The following MYCBP2 variants were observed in gnomAD, a reference collection of about 807,000 sequenced individuals.
MYCBP2 encodes the protein MYC binding protein 2.
In MYCBP2, 120 loss-of-function variants were observed where a neutral mutation model predicts 525.3. That is an observed-to-expected ratio of 0.23 (90% CI 0.20 to 0.27). The LOEUF is 0.27. MYCBP2 is among the 10% of genes least tolerant of loss of function. MYCBP2 has a pLI of 1.00. For missense variants in MYCBP2, 4,149 were observed against 5,657.1 expected, an observed-to-expected ratio of 0.73 and a Z score of 8.55; for synonymous variants, 1,894 against 1,955.8, an observed-to-expected ratio of 0.97 and a Z score of 0.83.
At chr13:77,187,202 C>A (rs531909060) in intron 30 of MYCBP2, among the ~76,000 whole-genome samples, 5 of 152,070 alleles carry the variant, frequency 3.3e-5, no homozygotes, top group Non-Finnish European at 5.9e-5. Flanking sequence ...AACATAAATA[C>A]AAAGGGGTTA....
intron 46 of MYCBP2, among the ~76,000 whole-genome samples, chr13:77,152,464 G>A (rs2056611619): frequency 6.6e-6 from 1 of 152,158 alleles, no homozygotes; most frequent in African/African-American, 2.4e-5. Flanking sequence ...CCACTCTCAA[G>A]CCTGGAAACC....
intron 15 of MYCBP2, among the ~76,000 whole-genome samples, chr13:77,248,312 A>G (rs1330984953): frequency 1.3e-5 from 2 of 152,150 alleles, no homozygotes; most frequent in African/African-American, 4.8e-5. Flanking sequence ...GACAACATCA[A>G]CAGAGTAAAA....
rs1222244177 is a variant in MYCBP2, at chr13:77,185,087, T to C, written c.4719+16A>G. On this transcript the variant is annotated intron_variant, in intron 32 of 82. Coordinates refer to ENST00000544440, the MANE Select transcript of MYCBP2 (RefSeq NM_015057.5). The stretch of plus-strand genomic sequence containing the variant: ...TATATCAGATTTTCAACTAACATTT[T>C]ACAAACTTAAATTACCTGATCCAAA... 3 of 1,605,676 alleles carry C rather than the reference T, an allele frequency of 1.9e-6. No homozygotes were observed. The highest frequency in any genetic ancestry group is 2.6e-6 in the Non-Finnish European group (3 of 1,174,706).
chr13:77,241,027 T>C (rs893432485), intron 17 of MYCBP2, among the ~76,000 whole-genome samples: 1 of 152,188 alleles, frequency 6.6e-6, no homozygotes, highest in African/African-American at 2.4e-5. Context: ...TCACAAAATA[T>C]ACACTAAGTG....
chr13:77,319,958 C>T (rs536434678), intron 1 of MYCBP2, among the ~76,000 whole-genome samples: 34 of 152,258 alleles, frequency 2.2e-4, no homozygotes, highest in African/African-American at 7.9e-4. Flanking sequence ...TTGCGGAGTG[C>T]CCTCCGAACC....
At chr13:77,246,700 T>C (rs541683049) in intron 15 of MYCBP2, among the ~76,000 whole-genome samples, 1 of 149,780 alleles carries the variant, frequency 6.7e-6, no homozygotes, top group East Asian at 2.0e-4. Flanking sequence ...CAGACCAATA[T>C]CCCTTATGAA....
At position 77,194,218 on chromosome 13, in the gene MYCBP2, T is replaced by C; in HGVS notation, c.3870A>G (p.Gly1290=). The stretch of plus-strand genomic sequence containing the variant: ...GAAGGTCACCATCAGTTTCATGATC[T>C]CCTCCATCAGGACCCAATTCAAACA... ...IKLFELGPDG[G]DHETDGDLLA... The change falls in exon 27 of 83, where the codon GGA becomes GGG. Residue 1290 remains glycine (G), a synonymous_variant. Coordinates refer to ENST00000544440, the MANE Select transcript of MYCBP2 (RefSeq NM_015057.5). The C allele has an allele frequency of 1.2e-6, 2 of 1,613,346 alleles. No individual in the cohort carries two copies. Among genetic ancestry groups the C allele is most frequent in the Non-Finnish European group, 1.7e-6 (2 of 1,179,494 alleles).
At position 77,098,354 on chromosome 13, in the gene MYCBP2, C is replaced by T. The variant is rs767663365; in HGVS notation, c.8800G>A (p.Glu2934Lys). 4 of 1,612,490 alleles carry T rather than the reference C, an allele frequency of 2.5e-6. No individual in the cohort carries two copies. The highest frequency in any genetic ancestry group is 1.3e-5 in the African/African-American group (1 of 74,878). The change falls in exon 56 of 83, where the codon GAA becomes AAA. Residue 2934 changes from glutamate to lysine, a missense_variant. Glu to Lys is a moderately conservative substitution (Grantham distance 56). Around this residue, in one of 21 missense-constraint regions of MYCBP2, gnomAD observed 653 missense variants for 744.7 expected, o/e 0.88. Coordinates refer to ENST00000544440, the MANE Select transcript of MYCBP2 (RefSeq NM_015057.5). ...VQENLHSEVV[E>K]VCTSSTLKTN... Reference sequence around the variant, plus strand: ...TTTAAAGTACTTGAGGTGCAGACTTCGACCACCTCACTGTGGAGGTTTTCC... The same window carrying T: ...TTTAAAGTACTTGAGGTGCAGACTTTGACCACCTCACTGTGGAGGTTTTCC...
rs773467425 is a variant in MYCBP2, at chr13:77,156,186, A to C, written c.6787T>G (p.Ser2263Ala). The C allele has an allele frequency of 6.2e-7, 1 of 1,613,648 alleles. No homozygotes were observed. Among genetic ancestry groups the C allele is most frequent in the Non-Finnish European group, 8.5e-7 (1 of 1,179,704 alleles). Residue 2263 changes from serine to alanine, a missense_variant, in exon 46 of 83, where the codon TCA becomes GCA. Around this residue, in one of 21 missense-constraint regions of MYCBP2, gnomAD observed 692 missense variants for 852.7 expected, o/e 0.81. Coordinates refer to ENST00000544440, the MANE Select transcript of MYCBP2 (RefSeq NM_015057.5). ...GATGTTTTCTGAGGATCCGCATATGAATCTGGCTGAAGCCACCTAACAGTA... is the reference window on the plus strand; with the variant it reads ...GATGTTTTCTGAGGATCCGCATATGCATCTGGCTGAAGCCACCTAACAGTA... ...GRLARWLQPD[S>A]YADPQKTSLI...
intron 23 of MYCBP2, among the ~76,000 whole-genome samples, chr13:77,207,954 C>T (rs1566928868): frequency 6.6e-6 from 1 of 151,668 alleles, no homozygotes; most frequent in African/African-American, 2.4e-5. Flanking sequence ...ATCCCCCCAC[C>T]AAGCCCCACC....
chr13:77,200,453 G>C (rs1163583614), intron 26 of MYCBP2, among the ~76,000 whole-genome samples: 2 of 151,762 alleles, frequency 1.3e-5, no homozygotes, highest in African/African-American at 4.8e-5. Flanking sequence ...ATGGAACCAA[G>C]TTGGAAAACA....
Position 77,056,932 on chromosome 13 carries a change from G to A in MYCBP2, c.13437+54C>T, listed in dbSNP as rs2038215385. 5 of 1,365,326 alleles carry A rather than the reference G, an allele frequency of 3.7e-6. No individual in the cohort carries two copies. In the Admixed American group the frequency reaches 8.5e-5, roughly 23 times the overall value. 84.6% of individuals were successfully genotyped at this position (1,365,326 alleles called of 1,614,324 possible). ...CTGACATATGTTTATTTTGAAAGGT[G>A]AAAAGAAAGAACAAAAGAAAAAGAA... On this transcript the variant is annotated intron_variant, in intron 79 of 82. Coordinates refer to ENST00000544440, the MANE Select transcript of MYCBP2 (RefSeq NM_015057.5).
rs563770753 is a variant in MYCBP2, at chr13:77,258,825, T to G, written c.2018-996A>C. ...TTCTTAAGTTCTACCTCCTATAATC[T>G]TCATAACAACTATATGAAGCAGGTG... On this transcript the variant is annotated intron_variant, in intron 13 of 82. Coordinates refer to ENST00000544440, the MANE Select transcript of MYCBP2 (RefSeq NM_015057.5). Among the ~76,000 whole-genome samples, 48 of 152,294 alleles carry G rather than the reference T, an allele frequency of 3.2e-4. No individual in the cohort carries two copies. The South Asian group carries it at 9.3e-3, about 30-fold the overall frequency.
chr13:77,124,175 A>G (rs1393979387), intron 54 of MYCBP2, among the ~76,000 whole-genome samples: 1 of 152,180 alleles, frequency 6.6e-6, no homozygotes, highest in African/African-American at 2.4e-5. Context: ...TACATCTGCT[A>G]TGTCACCAGC....
chr13:77,249,364 C>T (rs1789782402), intron 15 of MYCBP2, among the ~76,000 whole-genome samples: 2 of 152,054 alleles, frequency 1.3e-5, no homozygotes, highest in South Asian at 4.1e-4. Flanking sequence ...ATTCAGTTTG[C>T]TTCATTCATA....
intron 55 of MYCBP2, among the ~76,000 whole-genome samples, chr13:77,116,502 T>G (rs1322060713): frequency 2.0e-5 from 3 of 152,044 alleles, no homozygotes; most frequent in Non-Finnish European, 4.4e-5. Flanking sequence ...ATACTTTTTT[T>G]TGTGATGCTA....
intron 1 of MYCBP2, among the ~76,000 whole-genome samples, chr13:77,298,514 T>C (rs536377350): frequency 2.6e-5 from 4 of 152,284 alleles, no homozygotes; most frequent in Non-Finnish European, 5.9e-5. Flanking sequence ...TGGGATATAG[T>C]ACTCAACGAG....
At position 77,217,841 on chromosome 13, in the gene MYCBP2, GA is replaced by G; in HGVS notation, c.3055del (p.Ser1019LeufsTer36). The G allele has an allele frequency of 1.3e-6, 2 of 1,592,066 alleles. No homozygotes were observed. The highest frequency in any genetic ancestry group is 1.2e-5 in the South Asian group (1 of 86,912). ...DGQVFTFGSFSKGQLGRPILD... is the reference protein window; with the variant it reads ...DGQVFTFGSFXKGQLGRPILD... The stretch of plus-strand genomic sequence containing the variant: ...ATTAATGTTTTAAAAATTCCTTACA[GA>G]AAAACTTCCAAATGTGAAGACCTGT... On this transcript the variant is annotated frameshift_variant and splice_region_variant, in exon 21 of 83. Coordinates refer to ENST00000544440, the MANE Select transcript of MYCBP2 (RefSeq NM_015057.5). LOFTEE classifies it high-confidence loss of function.
intron 27 of MYCBP2, among the ~76,000 whole-genome samples, chr13:77,193,483 A>G (rs2061481256): frequency 6.6e-6 from 1 of 152,152 alleles, no homozygotes; most frequent in Non-Finnish European, 1.5e-5. Flanking sequence ...ATAGCACACT[A>G]TTACTACTAT....
Sources: gnomAD v4.1 joint callset for allele counts (sites outside exome capture counted in the v4.1 genomes callset) on GRCh38, gnomAD v4.1.1 for gene constraint, gnomAD v4.1.1 regional missense constraint, MANE v1.5 for transcripts, NCBI Gene and HGNC (gene_info 2026-07-23, HGNC 2026-07-21) for gene names.